The following KCNG3 variants were observed in gnomAD, a reference collection of about 807,000 sequenced individuals.
KCNG3 encodes the protein voltage-gated potassium channel regulatory subunit KCNG3.
A neutral mutation model predicts 29.0 loss-of-function variants in KCNG3; 15 were observed. The observed-to-expected ratio is 0.52, with a 90% confidence interval of 0.35 to 0.80. The LOEUF (loss-of-function observed/expected upper bound fraction) is 0.80, where lower values mean the gene tolerates loss of function less well. Among genes scored for constraint, KCNG3 ranks in the 30% least tolerant of loss-of-function variants. The pLI is 0.01. For synonymous variants in KCNG3, 322 were observed against 248.9 expected, an observed-to-expected ratio of 1.29 and a Z score of -2.76; for missense variants, 512 against 605.7, an observed-to-expected ratio of 0.85 and a Z score of 1.62.
At chr2:42,409,480 G>A in the KCNG3 span, among the ~76,000 whole-genome samples, 1 of 152,034 alleles carries the variant, frequency 6.6e-6, no homozygotes, top group African/African-American at 2.4e-5. Context: ...GAGGCATGAG[G>A]ATTGCTTGAG....
At chr2:42,422,960 C>T in the KCNG3 span, among the ~76,000 whole-genome samples, 1 of 152,124 alleles carries the variant, frequency 6.6e-6, no homozygotes, top group Non-Finnish European at 1.5e-5. Flanking sequence ...TTACTTCCTC[C>T]ACTCCCTCAA....
intron 1 of KCNG3, among the ~76,000 whole-genome samples, chr2:42,479,680 A>T (rs1352788831): frequency 6.6e-6 from 1 of 151,740 alleles, no homozygotes; most frequent in Non-Finnish European, 1.5e-5. Context: ...ATAAAGAAAA[A>T]AAGAGTGGCA....
chr2:42,453,465 G>A (rs895464203), intron 1 of KCNG3, among the ~76,000 whole-genome samples: 3 of 152,120 alleles, frequency 2.0e-5, no homozygotes, highest in Non-Finnish European at 4.4e-5. Flanking sequence ...GGCTGAGCAC[G>A]CACCTTTTCC....
chr2:42,431,968 G>GGCAGAGGTT, the KCNG3 span, among the ~76,000 whole-genome samples: 1 of 151,448 alleles, frequency 6.6e-6, no homozygotes, highest in Admixed American at 6.6e-5. Flanking sequence ...GAACCCAGGA[G>GGCAGAGGTT]GCAGAGGTTG....
At chr2:42,478,391 C>T (rs1673494426) in intron 1 of KCNG3, among the ~76,000 whole-genome samples, 1 of 151,796 alleles carries the variant, frequency 6.6e-6, no homozygotes, top group Non-Finnish European at 1.5e-5. Context: ...CGTCACCATG[C>T]CTAGCTAATT....
intron 1 of KCNG3, among the ~76,000 whole-genome samples, chr2:42,460,278 G>C (rs529077282): frequency 3.3e-5 from 5 of 151,764 alleles, no homozygotes; most frequent in Non-Finnish European, 5.9e-5. Context: ...CTGTACCCAG[G>C]AGTTTGAGGC....
At chr2:42,465,209 C>A (rs1231583088) in intron 1 of KCNG3, among the ~76,000 whole-genome samples, 1 of 148,478 alleles carries the variant, frequency 6.7e-6, no homozygotes, top group Non-Finnish European at 1.5e-5. Flanking sequence ...TATTTAATTT[C>A]TTTCTTTCTT....
chr2:42,418,013 TAAAA>T, the KCNG3 span, among the ~76,000 whole-genome samples: 1 of 151,450 alleles, frequency 6.6e-6, no homozygotes, highest in Non-Finnish European at 1.5e-5. Context: ...AATAAATAAA[TAAAA>T]TATATATATA....
chr2:42,483,224 C>G (rs577874900), intron 1 of KCNG3, among the ~76,000 whole-genome samples: 1 of 152,194 alleles, frequency 6.6e-6, no homozygotes, highest in Non-Finnish European at 1.5e-5. Flanking sequence ...ATATAGGATC[C>G]TATTCATTAC....
intron 1 of KCNG3, among the ~76,000 whole-genome samples, chr2:42,481,207 G>A (rs1485677176): frequency 6.6e-6 from 1 of 152,184 alleles, no homozygotes; most frequent in Non-Finnish European, 1.5e-5. Flanking sequence ...AGTGTGTGGG[G>A]GATGAGTAGA....
chr2:42,436,253 G>C, the KCNG3 span, among the ~76,000 whole-genome samples: 2 of 152,110 alleles, frequency 1.3e-5, no homozygotes, highest in African/African-American at 4.8e-5. Context: ...AATGGGTAGT[G>C]ACTGCTAATG....
chr2:42,473,706 T>C (rs1673349195), intron 1 of KCNG3, among the ~76,000 whole-genome samples: 1 of 152,164 alleles, frequency 6.6e-6, no homozygotes, highest in African/African-American at 2.4e-5. Context: ...CTTAGGTTTT[T>C]GATAGATGTA....
intron 1 of KCNG3, among the ~76,000 whole-genome samples, chr2:42,489,335 G>A (rs1474671424): frequency 1.3e-5 from 2 of 152,096 alleles, no homozygotes; most frequent in African/African-American, 2.4e-5. Context: ...GGCTGCAGTG[G>A]GCTTGATCGC....
At chr2:42,437,950 A>G (rs1672403214), downstream of KCNG3, among the ~76,000 whole-genome samples, 1 of 151,862 alleles carries the variant, frequency 6.6e-6, no homozygotes, top group Admixed American at 6.6e-5. Context: ...AAAAAAAAAA[A>G]AAAAAAAAAA....
At chr2:42,467,428 G>A (rs1049615653) in intron 1 of KCNG3, among the ~76,000 whole-genome samples, 129 of 152,284 alleles carry the variant, frequency 8.5e-4, no homozygotes, top group African/African-American at 9.4e-4. Context: ...AGCACTTTGG[G>A]AGGCCAAGGC....
chr2:42,475,482 T>C (rs1461962626), intron 1 of KCNG3, among the ~76,000 whole-genome samples: 1 of 151,682 alleles, frequency 6.6e-6, no homozygotes, highest in East Asian at 1.9e-4. Flanking sequence ...GTGCACATCA[T>C]TACACCTGGC....
At chr2:42,396,107 C>A in the KCNG3 span, among the ~76,000 whole-genome samples, 1 of 152,292 alleles carries the variant, frequency 6.6e-6, no homozygotes, top group African/African-American at 2.4e-5. Context: ...CATTGAATGT[C>A]TCATGTAATT....
At chr2:42,401,203 T>TA in the KCNG3 span, among the ~76,000 whole-genome samples, 1 of 149,598 alleles carries the variant, frequency 6.7e-6, no homozygotes, top group Non-Finnish European at 1.5e-5. Context: ...CACAGAAAAA[T>TA]ATATGTATAT....
chr2:42,430,367 T>TAAAC, the KCNG3 span, among the ~76,000 whole-genome samples: 1 of 26,274 alleles, frequency 3.8e-5, no homozygotes, highest in Non-Finnish European at 1.0e-4. Flanking sequence ...GTCTTAAAAA[T>TAAAC]AAATAAATAA....
Sources: gnomAD v4.1 joint callset for allele counts (sites outside exome capture counted in the v4.1 genomes callset) on GRCh38, gnomAD v4.1.1 for gene constraint, MANE v1.5 for transcripts, NCBI Gene and HGNC (gene_info 2026-07-23, HGNC 2026-07-21) for gene names.